TAF1D: variants seen among roughly 807,000 people sequenced by gnomAD.
TAF1D encodes the protein TATA-box binding protein associated factor, RNA polymerase I subunit D.
TAF1D carries 23 observed loss-of-function variants against 26.2 expected under a neutral mutation model. That is an observed-to-expected ratio of 0.88 (90% CI 0.63 to 1.25). The LOEUF is 1.25. TAF1D is among the 50% of genes most tolerant of loss of function. The pLI is 0.00. For missense variants in TAF1D, 299 were observed against 322.0 expected (o/e 0.93, Z 0.55); for synonymous variants, 100 against 105.6 (o/e 0.95, Z 0.33).
chr11:93,735,842 A>G lies in TAF1D; in HGVS notation c.*319T>C, dbSNP rs949238179. The G allele has an allele frequency of 9.2e-7, 1 of 1,081,374 alleles. No individual in the cohort carries two copies. Among genetic ancestry groups the G allele is most frequent in the African/African-American group, 1.7e-5 (1 of 58,894 alleles). The allele number at this position is 1,081,374 out of a possible 1,614,324, so 67.0% of individuals were successfully genotyped here. On this transcript the variant is annotated 3_prime_UTR_variant, in exon 6 of 6. Transcript: ENST00000448108. ...CAAGTTACTTTAAGATTTTCTTTTC[A>G]AAATTAAAATCACTACATTTCATTG...
At chr11:93,741,214 T>C in intron 1 of TAF1D, 108 bp downstream of exon 1, 1 of 421,450 alleles carries the variant, frequency 2.4e-6, no homozygotes, top group Middle Eastern at 7.8e-4. Context: ...CGGACCGACT[T>C]CGGAGTCTCG....
downstream of TAF1D, chr11:93,730,932 C>T (rs374971998): frequency 5.8e-4 from 279 of 484,666 alleles, 3 homozygotes; most frequent in South Asian, 4.0e-3. Flanking sequence ...AGAAAAATCA[C>T]ATGTGGTTCA....
chr11:93,731,218 T>C (rs1339222532), downstream of TAF1D: 1 of 398,058 alleles, frequency 2.5e-6, no homozygotes, highest in African/African-American at 2.1e-5. Context: ...AAAATTCACC[T>C]GTGGAAAAAT....
chr11:93,730,573 A>G (rs756691049), downstream of TAF1D: 1 of 616,814 alleles, frequency 1.6e-6, no homozygotes, highest in South Asian at 1.4e-5. Flanking sequence ...CTTCCTATAG[A>G]GAACTTCCAT....
At chr11:93,733,832 C>G (rs1041165878), downstream of TAF1D, 1 of 170,644 alleles carries the variant, frequency 5.9e-6, no homozygotes, top group Non-Finnish European at 1.3e-5. Flanking sequence ...TATTTATACA[C>G]ATAAATAACA....
chr11:93,738,990 A>C, intron 2 of TAF1D: 5 of 512,858 alleles, frequency 9.7e-6, no homozygotes, highest in East Asian at 6.9e-5. Flanking sequence ...GTAGTCTGGA[A>C]GAGATGCTAA....
chr11:93,740,788 T>C (rs2135545440), intron 1 of TAF1D, among the ~76,000 whole-genome samples: 1 of 152,300 alleles, frequency 6.6e-6, no homozygotes, highest in African/African-American at 2.4e-5. Flanking sequence ...GGTATACCTG[T>C]AGTTAATTTT....
Position 93,740,433 on chromosome 11 carries a change from G to GAAA in TAF1D, c.-28+886_-28+888dup, listed in dbSNP as rs59420824. 1.4e-3 allele frequency among the ~76,000 whole-genome samples: 68 copies of GAAA among 48,428 alleles called. 1 individual carries two copies. The highest frequency in any genetic ancestry group is 4.6e-3 in the African/African-American group (64 of 13,890). The allele number at this position is 48,428 out of a possible 152,430, so 31.8% of individuals were successfully genotyped here. ...ACGACAGAGCAAGACCCTGTCTCAGGAAAAAAAAAAAAAAAAAAAAAAAAA... is the reference window on the plus strand; with the variant it reads ...ACGACAGAGCAAGACCCTGTCTCAGGAAAAAAAAAAAAAAAAAAAAAAAAAAAA... On this transcript the variant is annotated intron_variant, in intron 1 of 5. Coordinates refer to ENST00000448108, the MANE Select transcript of TAF1D (RefSeq NM_024116.4).
Position 93,738,286 on chromosome 11 carries a change from CTTTTTT to C in TAF1D, c.276_281del (p.Lys95_Lys96del), listed in dbSNP as rs746556335. The stretch of plus-strand genomic sequence containing the variant: ...CTGTTGGCTGGTACCTCCTCTTTTT[CTTTTTT>C]TTATATCTCTTTTTCCTGTTCTTGA... On this transcript the variant is annotated inframe_deletion, in exon 3 of 6. Coordinates refer to ENST00000448108, the MANE Select transcript of TAF1D (RefSeq NM_024116.4). 1 of 1,608,104 alleles carries C rather than the reference CTTTTTT, an allele frequency of 6.2e-7. No homozygotes were observed. The highest frequency in any genetic ancestry group is 1.3e-5 in the African/African-American group (1 of 74,114).
rs1428840685 is a variant in TAF1D, at chr11:93,739,963, A to AAAG, written c.-27-633_-27-632insCTT. Among the ~76,000 whole-genome samples, 32 of 139,926 alleles carry AAAG rather than the reference A, an allele frequency of 2.3e-4. 1 individual carries two copies. Among genetic ancestry groups the AAAG allele is most frequent in the East Asian group, 6.8e-4 (3 of 4,390 alleles). 91.8% of individuals were successfully genotyped at this position (139,926 alleles called of 152,430 possible). A position where few individuals can be genotyped will look rare whatever the true frequency, so the allele number is the denominator to read the frequency against. ...ATGGTAGAGAGTATACAACATACCA[A>AAAG]AAAAAAAAAAAAAAAAAAAGAAAAA... On this transcript the variant is annotated intron_variant, in intron 1 of 5. Coordinates refer to ENST00000448108, the MANE Select transcript of TAF1D (RefSeq NM_024116.4).
chr11:93,736,637 T>C (rs1486273567), intron 5 of TAF1D, 57 bp downstream of exon 5: 9 of 1,593,828 alleles, frequency 5.6e-6, no homozygotes, highest in Non-Finnish European at 7.7e-6. Flanking sequence ...TAATTCCTTC[T>C]GTATCAACCA....
rs1439275016 is a variant in TAF1D, at chr11:93,741,413, G to C, written c.-119C>G. The C allele has an allele frequency of 2.4e-6, 1 of 409,170 alleles. No homozygotes were observed. Among genetic ancestry groups the C allele is most frequent in the Admixed American group, 2.9e-5 (1 of 33,916 alleles). The allele number at this position is 409,170 out of a possible 1,614,324, so 25.3% of individuals were successfully genotyped here. On this transcript the variant is annotated 5_prime_UTR_variant, in exon 1 of 6. Coordinates refer to ENST00000448108, the MANE Select transcript of TAF1D (RefSeq NM_024116.4). ...CCCGCGACTGGCCTGGTGTCCTAGA[G>C]CTCTGTACACACCACCCTCCCGACC...
chr11:93,735,849 A>C lies in TAF1D; in HGVS notation c.*312T>G, dbSNP rs905092631. On this transcript the variant is annotated 3_prime_UTR_variant, in exon 6 of 6. Coordinates refer to ENST00000448108, the MANE Select transcript of TAF1D (RefSeq NM_024116.4). ...CTTTAAGATTTTCTTTTCAAAATTA[A>C]AATCACTACATTTCATTGTTTCAAT... 9.2e-7 allele frequency: 1 copy of C among 1,090,220 alleles called. No individual in the cohort carries two copies. The highest frequency in any genetic ancestry group is 1.1e-6 in the Non-Finnish European group (1 of 896,522). The allele number at this position is 1,090,220 out of a possible 1,614,324, so 67.5% of individuals were successfully genotyped here. A position where few individuals can be genotyped will look rare whatever the true frequency, so the allele number is the denominator to read the frequency against.
At position 93,736,457 on chromosome 11, in the gene TAF1D, A is replaced by G. The variant is rs1214209236; in HGVS notation, c.694-153T>C. ...TTAACATTGCTTATTTTTTCATTTG[A>G]CATCCTAACTAGCAATAATATGTAT... is the stretch of plus-strand genomic sequence containing the variant. On this transcript the variant is annotated intron_variant, in intron 5 of 5. Coordinates refer to ENST00000448108, the MANE Select transcript of TAF1D (RefSeq NM_024116.4). 7.0e-6 allele frequency: 10 copies of G among 1,422,964 alleles called. No homozygotes were observed. The African/African-American group carries it at 1.2e-4, about 17-fold the overall frequency. 88.1% of individuals were successfully genotyped at this position (1,422,964 alleles called of 1,614,324 possible).
At chr11:93,732,841 A>T (rs1939545677), downstream of TAF1D, 1 of 236,820 alleles carries the variant, frequency 4.2e-6, no homozygotes, top group South Asian at 5.1e-5. Flanking sequence ...ACACAGGTTT[A>T]CGTGACTTTA....
downstream of TAF1D, chr11:93,734,957 TCTTA>T: frequency 3.8e-6 from 4 of 1,047,074 alleles, no homozygotes; most frequent in Non-Finnish European, 5.0e-6. Context: ...GAGATGTGTT[TCTTA>T]CTTTCTTGCC....
downstream of TAF1D, chr11:93,735,405 A>G (rs1940540978): frequency 1.1e-6 from 1 of 899,516 alleles, no homozygotes; most frequent in South Asian, 2.6e-5. Flanking sequence ...GTATTAGGCC[A>G]GGTGCCATGG....
chr11:93,733,986 GATAA>G (rs1393715690), downstream of TAF1D: 1 of 152,244 alleles, frequency 6.6e-6, no homozygotes, highest in African/African-American at 2.4e-5. Flanking sequence ...CCAGAGGAAT[GATAA>G]ATAAAAAGTA....
At chr11:93,736,888 G>T in intron 4 of TAF1D, 137 bp from the exon 5 acceptor site, 1 of 1,148,768 alleles carries the variant, frequency 8.7e-7, no homozygotes, top group Non-Finnish European at 1.2e-6. Context: ...GTGTTCTGGA[G>T]AATTCTAGAT....
Sources: gnomAD v4.1 joint callset for allele counts (sites outside exome capture counted in the v4.1 genomes callset) on GRCh38, gnomAD v4.1.1 for gene constraint, MANE v1.5 for transcripts, NCBI Gene and HGNC (gene_info 2026-07-23, HGNC 2026-07-21) for gene names.